The following BBS4 variants were observed in gnomAD, a reference collection of about 807,000 sequenced individuals.
BBS4 encodes Bardet-Biedl syndrome 4, also known as BBSome complex member BBS4.
Under a neutral mutation model 71.4 loss-of-function variants are expected in BBS4, and 58 were observed. The observed-to-expected ratio is 0.81, with a 90% CI of 0.66 to 1.01. The LOEUF is 1.01. BBS4 is among the 50% of genes least tolerant of loss of function. BBS4 has a pLI of 0.00. For synonymous variants in BBS4, 228 were observed against 216.8 expected (o/e 1.05, Z -0.46); for missense variants, 660 against 607.9 (o/e 1.09, Z -0.90).
rs146238636 is a variant in BBS4, at chr15:72,686,214, T to A, written c.-14T>A. 1,452 of 1,559,458 alleles carry A rather than the reference T, an allele frequency of 9.3e-4. 4 individuals carry two copies. Among genetic ancestry groups the A allele is most frequent in the Admixed American group, 1.9e-3 (98 of 52,440 alleles). Reference sequence around the variant, plus strand: ...CCGCCGACTTCCGGCCGCGCAGCGGTGGGCTGAGCTAAAATGGCTGAGGAG... The same window carrying A: ...CCGCCGACTTCCGGCCGCGCAGCGGAGGGCTGAGCTAAAATGGCTGAGGAG... On this transcript the variant is annotated 5_prime_UTR_variant, in exon 1 of 16. Coordinates refer to ENST00000268057, the MANE Select transcript of BBS4 (RefSeq NM_033028.5).
At chr15:72,692,515 G>A (rs1453010260) in intron 1 of BBS4, among the ~76,000 whole-genome samples, 1 of 151,568 alleles carries the variant, frequency 6.6e-6, no homozygotes, top group Non-Finnish European at 1.5e-5. Flanking sequence ...GTTTCGTCAT[G>A]TTACCCAGGC....
At position 72,731,295 on chromosome 15, in the gene BBS4, A is replaced by G. The variant is rs781509718; in HGVS notation, c.712-10A>G. ...ATGACTGAATGACTTTCTCTGTGCC[A>G]TGTTTTCAGGCCATCTTGGCAGCAG... is the stretch of plus-strand genomic sequence containing the variant. On this transcript the variant is annotated splice_polypyrimidine_tract_variant and intron_variant, in intron 10 of 15. Coordinates refer to ENST00000268057, the MANE Select transcript of BBS4 (RefSeq NM_033028.5). 3.1e-6 allele frequency: 5 copies of G among 1,613,974 alleles called. No individual in the cohort carries two copies. Among genetic ancestry groups the G allele is most frequent in the Non-Finnish European group, 4.2e-6 (5 of 1,179,984 alleles).
At chr15:72,722,032 TAATA>T (rs2065586014) in intron 6 of BBS4, among the ~76,000 whole-genome samples, 1 of 152,206 alleles carries the variant, frequency 6.6e-6, no homozygotes, top group Admixed American at 6.5e-5. Flanking sequence ...AAGGGCCAGT[TAATA>T]AATATTTTAA....
At chr15:72,686,387 G>A in intron 1 of BBS4, 136 bp downstream of exon 1, 4 of 1,537,094 alleles carry the variant, frequency 2.6e-6, no homozygotes, top group South Asian at 1.2e-5. Context: ...GGGCGACACG[G>A]TCCCCTTTTT....
chr15:72,721,955 A>G (rs1402579858), intron 6 of BBS4, among the ~76,000 whole-genome samples: 7 of 152,368 alleles, frequency 4.6e-5, no homozygotes, highest in African/African-American at 1.7e-4. Context: ...CATCCAAGGT[A>G]GCTACTCTGC....
chr15:72,729,765 G>T, intron 10 of BBS4, 81 bp downstream of exon 10: 2 of 1,192,910 alleles, frequency 1.7e-6, no homozygotes, highest in South Asian at 1.3e-5. Flanking sequence ...GGAAAGCAAA[G>T]GAATAGCTTC....
intron 2 of BBS4, among the ~76,000 whole-genome samples, chr15:72,699,888 G>C (rs1210776424): frequency 1.3e-5 from 2 of 152,162 alleles, no homozygotes; most frequent in East Asian, 3.8e-4. Context: ...CCATTCTCCT[G>C]TTAATGAGTA....
intron 8 of BBS4, among the ~76,000 whole-genome samples, chr15:72,727,458 T>C (rs2065724261): frequency 6.6e-6 from 1 of 150,380 alleles, no homozygotes; most frequent in African/African-American, 2.4e-5. Context: ...GGCTACTTGG[T>C]ATAGCTCTTT....
chr15:72,688,309 A>C (rs1407150924), intron 1 of BBS4, among the ~76,000 whole-genome samples: 1 of 151,954 alleles, frequency 6.6e-6, no homozygotes, highest in Admixed American at 6.6e-5. Context: ...ATTGTTGTCA[A>C]ATTTATTGCT....
Position 72,737,656 on chromosome 15 carries a change from T to TGACA in BBS4, c.*70_*73dup. On this transcript the variant is annotated 3_prime_UTR_variant, in exon 16 of 16. Coordinates refer to ENST00000268057, the MANE Select transcript of BBS4 (RefSeq NM_033028.5). Reference sequence around the variant, plus strand: ...ATGTGCTGGATTAGGAAAGGTGACATGACACAGGCAGAGCAGAGTGGCACC... The same window carrying TGACA: ...ATGTGCTGGATTAGGAAAGGTGACATGACAGACACAGGCAGAGCAGAGTGGCACC... The TGACA allele has an allele frequency of 7.8e-7, 1 of 1,275,110 alleles. No individual in the cohort carries two copies. The highest frequency in any genetic ancestry group is 1.5e-5 in the African/African-American group (1 of 67,574). The allele number at this position is 1,275,110 out of a possible 1,614,324, so 79.0% of individuals were successfully genotyped here. A position where few individuals can be genotyped will look rare whatever the true frequency, so the allele number is the denominator to read the frequency against.
intron 2 of BBS4, among the ~76,000 whole-genome samples, chr15:72,708,036 G>A (rs185355925): frequency 6.6e-6 from 1 of 151,302 alleles, no homozygotes; most frequent in South Asian, 2.1e-4. Flanking sequence ...GCGCGATCTC[G>A]GCTCACTGTA....
chr15:72,730,484 C>T (rs2065794385), intron 10 of BBS4, among the ~76,000 whole-genome samples: 1 of 151,428 alleles, frequency 6.6e-6, no homozygotes. Context: ...CCTAGCCACT[C>T]GGAAGGTGGA....
intron 9 of BBS4, 115 bp downstream of exon 9, chr15:72,728,109 C>G: frequency 1.3e-6 from 1 of 742,000 alleles, no homozygotes; most frequent in Non-Finnish European, 2.4e-6. Flanking sequence ...ATATAAAGTT[C>G]ATGAACTACA....
chr15:72,698,165 A>C (rs568673646), intron 2 of BBS4: 1 of 343,520 alleles, frequency 2.9e-6, no homozygotes, highest in African/African-American at 2.1e-5. Context: ...CAACATACTC[A>C]CTATGTAAAA....
intron 1 of BBS4, among the ~76,000 whole-genome samples, chr15:72,688,411 C>CTTTTTTATTTTTTTTTTTTTTTTTTTT (rs2064915345): frequency 1.2e-5 from 1 of 83,052 alleles, no homozygotes. Context: ...GGTATTTTAT[C>CTTTTTTATTTTTTTTTTTTTTTTTTTT]TTTTTTTTTT....
intron 2 of BBS4, chr15:72,704,368 T>C (rs755923735): frequency 1.0e-5 from 11 of 1,055,822 alleles, no homozygotes; most frequent in Non-Finnish European, 1.4e-5. Context: ...ATCTTTCAAC[T>C]AGTAATTCTC....
At chr15:72,691,490 T>G (rs1033803638) in intron 1 of BBS4, among the ~76,000 whole-genome samples, 2 of 152,178 alleles carry the variant, frequency 1.3e-5, no homozygotes, top group Non-Finnish European at 2.9e-5. Context: ...TTGTACTTTT[T>G]ATAGTTTTAC....
intron 7 of BBS4, 149 bp from the exon 8 acceptor site, chr15:72,724,379 T>G: frequency 9.2e-7 from 1 of 1,083,154 alleles, no homozygotes; most frequent in Non-Finnish European, 1.4e-6. Context: ...AGTTTTGGTA[T>G]GTTTTGGTCT....
chr15:72,729,574 C>G, intron 9 of BBS4, 42 bp from the exon 10 acceptor site: 1 of 1,595,300 alleles, frequency 6.3e-7, no homozygotes, highest in Non-Finnish European at 8.6e-7. Context: ...TAACTGCCGT[C>G]TCCTTGCTGA....
Sources: allele counts gnomAD v4.1 joint callset (sites outside exome capture counted in the v4.1 genomes callset), GRCh38; gene constraint gnomAD v4.1.1; transcripts MANE v1.5; gene names NCBI Gene and HGNC (gene_info 2026-07-23, HGNC 2026-07-21).